Variants in PREP observed in about 807,000 individuals in gnomAD.
PREP encodes prolyl endopeptidase.
PREP carries 29 observed loss-of-function variants against 87.6 expected under a neutral mutation model. The ratio of observed to expected loss-of-function variants is 0.33; its 90% confidence interval spans 0.25 to 0.45. The LOEUF is 0.45. Among genes scored for constraint, PREP ranks in the 20% least tolerant of loss-of-function variants. The pLI is 1.00. For synonymous variants in PREP, 337 were observed against 328.6 expected, an observed-to-expected ratio of 1.03 and a Z score of -0.28; for missense variants, 695 against 886.5, an observed-to-expected ratio of 0.78 and a Z score of 2.74.
intron 10 of PREP, among the ~76,000 whole-genome samples, chr6:105,294,564 G>A (rs1454700388): frequency 6.6e-6 from 1 of 152,094 alleles, no homozygotes; most frequent in Non-Finnish European, 1.5e-5. Flanking sequence ...TCCCTCCAAT[G>A]TTTGCTGTGT....
chr6:105,381,438 A>C (rs1037644974), intron 2 of PREP, among the ~76,000 whole-genome samples: 1 of 152,176 alleles, frequency 6.6e-6, no homozygotes, highest in Non-Finnish European at 1.5e-5. Flanking sequence ...AAATTGGGGA[A>C]AAGGGAGAAA....
intron 1 of PREP, among the ~76,000 whole-genome samples, chr6:105,398,289 C>T (rs753723339): frequency 3.3e-5 from 5 of 152,182 alleles, no homozygotes; most frequent in Non-Finnish European, 7.3e-5. Context: ...ACAGTGGGCA[C>T]ACAAGAAGGG....
intron 7 of PREP, among the ~76,000 whole-genome samples, chr6:105,351,256 C>T (rs1562211477): frequency 6.6e-6 from 1 of 152,104 alleles, no homozygotes; most frequent in Non-Finnish European, 1.5e-5. Context: ...AGTTGGAAGG[C>T]CTTAAGAGCA....
intron 6 of PREP, among the ~76,000 whole-genome samples, chr6:105,358,274 A>G (rs999905153): frequency 6.6e-6 from 1 of 152,180 alleles, no homozygotes; most frequent in Non-Finnish European, 1.5e-5. Flanking sequence ...ATTCCTAATC[A>G]TAACAATAAA....
At chr6:105,282,322 G>T in intron 13 of PREP, 129 bp downstream of exon 13, 2 of 1,147,562 alleles carry the variant, frequency 1.7e-6, no homozygotes, top group Non-Finnish European at 1.2e-6. Flanking sequence ...GTACAAATGG[G>T]TTTTGCTCTC....
intron 1 of PREP, among the ~76,000 whole-genome samples, chr6:105,402,418 T>TCACACACACACA (rs36086068): frequency 1.4e-3 from 208 of 147,216 alleles, no homozygotes; most frequent in African/African-American, 4.9e-3. Context: ...AAATGTGACA[T>TCACACACACACA]CACACACACA....
intron 10 of PREP, among the ~76,000 whole-genome samples, chr6:105,295,385 A>G (rs753390382): frequency 6.6e-6 from 1 of 151,284 alleles, no homozygotes; most frequent in Non-Finnish European, 1.5e-5. Context: ...TGTTTTTTGT[A>G]TTTTTTCCCT....
rs186584416 is a variant in PREP, at chr6:105,337,524, C to A, written c.824-4019G>T. Among the ~76,000 whole-genome samples the A allele has an allele frequency of 1.1e-4, 16 of 152,288 alleles. No homozygotes were observed. In the East Asian group the frequency reaches 2.9e-3, roughly 27 times the overall value. ...TTCCTTACTGTTCACTCCCCATCCC[C>A]AGCCTCTCCACTGGCAAGTTTATTT... On this transcript the variant is annotated intron_variant, in intron 7 of 14. Coordinates refer to ENST00000652536, the MANE Select transcript of PREP (RefSeq NM_002726.5).
intron 7 of PREP, among the ~76,000 whole-genome samples, chr6:105,335,745 T>C (rs1286281168): frequency 6.6e-6 from 1 of 151,640 alleles, no homozygotes; most frequent in Non-Finnish European, 1.5e-5. Context: ...ACAAAAAAAT[T>C]AGCCGGGTGT....
chr6:105,305,847 T>C (rs947801364), intron 10 of PREP, among the ~76,000 whole-genome samples: 1 of 144,998 alleles, frequency 6.9e-6, no homozygotes, highest in African/African-American at 2.9e-5. Context: ...TCCTTTTCTT[T>C]TTTTTTTGGG....
rs574302083 is a variant in PREP at position 105,315,350 on chromosome 6, T to TA, written c.1317+8314dup. Among the ~76,000 whole-genome samples, 6 of 152,242 alleles carry TA rather than the reference T, an allele frequency of 3.9e-5. No homozygotes were observed. In the South Asian group the frequency reaches 1.2e-3, roughly 32 times the overall value. On this transcript the variant is annotated intron_variant, in intron 10 of 14. Transcript: ENST00000652536. ...GGCTAATTTTTAAATTTTTTGTAGA[T>TA]AAATTTTGTATGGGATTGCACCACA... is the stretch of plus-strand genomic sequence containing the variant.
At chr6:105,301,222 C>T (rs761641250) in intron 10 of PREP, among the ~76,000 whole-genome samples, 1 of 152,210 alleles carries the variant, frequency 6.6e-6, no homozygotes, top group Non-Finnish European at 1.5e-5. Flanking sequence ...ATTTTAGAGC[C>T]TGACAGGTTT....
At position 105,390,705 on chromosome 6, in the gene PREP, AT is replaced by A. The variant is rs567675776; in HGVS notation, c.120+7147del. Among the ~76,000 whole-genome samples the A allele has an allele frequency of 3.5e-4, 54 of 152,378 alleles. No homozygotes were observed. In the East Asian group the frequency reaches 9.8e-3, roughly 28 times the overall value. ...AGATGGGGAGACTGAGATTACAAGA[AT>A]ATTACTTCTACTTGGACCCCTGGGT... On this transcript the variant is annotated intron_variant, in intron 2 of 14. Coordinates refer to ENST00000652536, the MANE Select transcript of PREP (RefSeq NM_002726.5).
At chr6:105,344,356 G>C (rs577946779) in intron 7 of PREP, among the ~76,000 whole-genome samples, 89 of 152,236 alleles carry the variant, frequency 5.8e-4, no homozygotes, top group South Asian at 4.6e-3. Flanking sequence ...GCCAGGCGTG[G>C]TGGCGGGCGC....
chr6:105,383,873 T>C (rs1772916742), intron 2 of PREP, among the ~76,000 whole-genome samples: 1 of 152,154 alleles, frequency 6.6e-6, no homozygotes, highest in Admixed American at 6.5e-5. Flanking sequence ...GGTGAAGAGG[T>C]GATTTGCACC....
chr6:105,365,972 A>T (rs1199416601), intron 6 of PREP, among the ~76,000 whole-genome samples: 4 of 151,480 alleles, frequency 2.6e-5, no homozygotes, highest in Non-Finnish European at 5.9e-5. Flanking sequence ...CATTACTCTT[A>T]GGCTGGGCAT....
chr6:105,299,721 A>T (rs2114625249), intron 10 of PREP, among the ~76,000 whole-genome samples: 1 of 152,306 alleles, frequency 6.6e-6, no homozygotes, highest in East Asian at 1.9e-4. Flanking sequence ...TCAAGTTATT[A>T]CTTCCTTGTA....
intron 11 of PREP, among the ~76,000 whole-genome samples, chr6:105,286,706 T>C (rs1770194535): frequency 6.6e-6 from 1 of 151,910 alleles, no homozygotes; most frequent in Non-Finnish European, 1.5e-5. Flanking sequence ...AAAGGTCAGA[T>C]GAATTAGGGT....
At chr6:105,321,624 A>G (rs1771010612) in intron 10 of PREP, among the ~76,000 whole-genome samples, 1 of 151,970 alleles carries the variant, frequency 6.6e-6, no homozygotes, top group South Asian at 2.1e-4. Flanking sequence ...TCAGAATAGG[A>G]AAAAAAAGCC....
Sources: allele counts gnomAD v4.1 joint callset (sites outside exome capture counted in the v4.1 genomes callset), GRCh38; gene constraint gnomAD v4.1.1; transcripts MANE v1.5; gene names NCBI Gene and HGNC (gene_info 2026-07-23, HGNC 2026-07-21).